CCDC7: variants seen among roughly 807,000 people sequenced by gnomAD.
The protein encoded by CCDC7 is coiled-coil domain-containing protein 7.
In CCDC7, 183 loss-of-function variants were observed where a neutral mutation model predicts 196.9. The ratio of observed to expected loss-of-function variants is 0.93; its 90% CI spans 0.82 to 1.05. The LOEUF is 1.05. CCDC7 is among the 50% of genes least tolerant of loss of function. The pLI is 0.00. For synonymous variants in CCDC7, 525 were observed against 484.6 expected (o/e 1.08, Z -1.10); for missense variants, 1,540 against 1,482.2 (o/e 1.04, Z -0.64).
downstream of CCDC7, among the ~76,000 whole-genome samples, chr10:32,880,013 C>A (rs958992126): frequency 6.6e-6 from 1 of 152,038 alleles, no homozygotes; most frequent in Non-Finnish European, 1.5e-5. Flanking sequence ...AATGAACATA[C>A]ATTTGCATAT....
chr10:32,702,700 G>GCTC (rs2078964809), intron 24 of CCDC7, among the ~76,000 whole-genome samples: 1 of 152,120 alleles, frequency 6.6e-6, no homozygotes, highest in East Asian at 1.9e-4. Flanking sequence ...GAATCTGGGT[G>GCTC]CTCCTGTATT....
At chr10:32,855,407 A>G (rs776214285) in intron 41 of CCDC7, among the ~76,000 whole-genome samples, 4 of 152,184 alleles carry the variant, frequency 2.6e-5, no homozygotes, top group Non-Finnish European at 4.4e-5. Context: ...TAATTATACA[A>G]TTCACCATAA....
rs115958475 is a variant in CCDC7 at position 32,541,083 on chromosome 10, G to T, written c.994-2217G>T. Among the ~76,000 whole-genome samples, 1,264 of 143,994 alleles carry T rather than the reference G, an allele frequency of 8.8e-3. 28 individuals are homozygous for T. Among genetic ancestry groups the T allele is most frequent in the African/African-American group, 0.03 (1,161 of 38,930 alleles). The allele number at this position is 143,994 out of a possible 152,430, so 94.5% of individuals were successfully genotyped here. On this transcript the variant is annotated intron_variant, in intron 11 of 41. Transcript: ENST00000639629. ...TTTTCATTCTTTTTTCTTTGTTTTT[G>T]TCTGATTGATTTATTTTAGAGAGCC... is the stretch of plus-strand genomic sequence containing the variant.
intron 33 of CCDC7, among the ~76,000 whole-genome samples, chr10:32,839,437 G>A (rs2092830701): frequency 6.6e-6 from 1 of 151,820 alleles, no homozygotes; most frequent in Non-Finnish European, 1.5e-5. Context: ...ATGATAAAAG[G>A]GCTAGTCCAG....
chr10:32,524,329 C>T (rs971786414), intron 11 of CCDC7, among the ~76,000 whole-genome samples: 2 of 152,058 alleles, frequency 1.3e-5, no homozygotes, highest in Non-Finnish European at 2.9e-5. Flanking sequence ...TCTTTTTGTA[C>T]TGTGTCTTGA....
intron 29 of CCDC7, among the ~76,000 whole-genome samples, chr10:32,797,988 A>G (rs1449552881): frequency 6.6e-6 from 1 of 152,212 alleles, no homozygotes; most frequent in Admixed American, 6.5e-5. Context: ...CATGAGCATG[A>G]GTCTACTGCT....
In CCDC7 at chr10:32,790,461, G is replaced by A. The variant is rs184196093; in HGVS notation, c.3013+11377G>A. ...TGGGGCCATTGGCACCACAGCTGGA[G>A]CAGCCAAGGAGCACCTTGCCATTCC... On this transcript the variant is annotated intron_variant, in intron 29 of 41. Coordinates refer to ENST00000639629, the Ensembl canonical transcript of CCDC7. Among the ~76,000 whole-genome samples, 133 of 152,334 alleles carry A rather than the reference G, an allele frequency of 8.7e-4. 1 individual carries two copies. The highest frequency in any genetic ancestry group is 3.2e-3 in the African/African-American group (133 of 41,574).
rs142739876 is a variant in CCDC7, at chr10:32,479,119, A to T, written c.796+5096A>T. ...TATAGTATTTGTTTATTGTCCCTTT[A>T]TGTCCATGTGGTCGGTAGGGATGGT... On this transcript the variant is annotated intron_variant, in intron 8 of 41. Transcript: ENST00000639629. 1.2e-4 allele frequency among the ~76,000 whole-genome samples: 18 copies of T among 152,202 alleles called. No individual in the cohort carries two copies. The East Asian group carries it at 3.5e-3, about 29-fold the overall frequency.
intron 11 of CCDC7, among the ~76,000 whole-genome samples, chr10:32,533,162 A>G (rs1310227562): frequency 1.3e-5 from 2 of 151,858 alleles, no homozygotes; most frequent in Non-Finnish European, 2.9e-5. Context: ...TAGGCTTACA[A>G]AGAACATTGT....
At chr10:32,698,737 C>T (rs1046549635) in intron 24 of CCDC7, among the ~76,000 whole-genome samples, 10 of 152,140 alleles carry the variant, frequency 6.6e-5, no homozygotes, top group African/African-American at 2.2e-4. Flanking sequence ...ATTGGTGTAC[C>T]TGAAAGTGAC....
At chr10:32,863,634 G>A (rs1040093212) in intron 41 of CCDC7, among the ~76,000 whole-genome samples, 1 of 151,820 alleles carries the variant, frequency 6.6e-6, no homozygotes, top group Non-Finnish European at 1.5e-5. Flanking sequence ...CAGGACTCCA[G>A]GTGTATGCAA....
chr10:32,679,408 T>G (rs2075522585), intron 21 of CCDC7, among the ~76,000 whole-genome samples: 1 of 152,180 alleles, frequency 6.6e-6, no homozygotes, highest in Non-Finnish European at 1.5e-5. Context: ...GGTTGCTTGT[T>G]GGAGGACCTC....
intron 9 of CCDC7, chr10:32,513,638 A>C (rs1273813447): frequency 6.6e-6 from 1 of 152,198 alleles, no homozygotes; most frequent in Non-Finnish European, 1.5e-5. Context: ...AGCATATAAA[A>C]AAGATTATCT....
chr10:32,497,829 A>G (rs1273642497), intron 9 of CCDC7, among the ~76,000 whole-genome samples: 1 of 152,114 alleles, frequency 6.6e-6, no homozygotes, highest in Non-Finnish European at 1.5e-5. Context: ...GGTCAATTTT[A>G]GAATAAGTGC....
chr10:32,534,716 TG>T (rs2135960171), intron 11 of CCDC7, among the ~76,000 whole-genome samples: 1 of 152,208 alleles, frequency 6.6e-6, no homozygotes, highest in Admixed American at 6.5e-5. Context: ...GCCAGGGATT[TG>T]GGCCAAAGGA....
chr10:32,689,676 A>G (rs2076853350), intron 23 of CCDC7, among the ~76,000 whole-genome samples: 1 of 152,154 alleles, frequency 6.6e-6, no homozygotes, highest in Admixed American at 6.5e-5. Flanking sequence ...GAATGTCATC[A>G]AGGATCCCAC....
At chr10:32,628,962 G>A (rs1234420275) in intron 18 of CCDC7, among the ~76,000 whole-genome samples, 3 of 152,110 alleles carry the variant, frequency 2.0e-5, no homozygotes, top group Admixed American at 6.6e-5. Context: ...TGAGAAGAAT[G>A]TGCATTCTAG....
intron 24 of CCDC7, among the ~76,000 whole-genome samples, chr10:32,698,925 A>C (rs1202876555): frequency 2.0e-5 from 3 of 152,198 alleles, no homozygotes; most frequent in Non-Finnish European, 4.4e-5. Context: ...GGTTGAAATG[A>C]AGGGAAAAAT....
chr10:32,671,276 T>A (rs572240094), intron 21 of CCDC7, among the ~76,000 whole-genome samples: 1 of 152,296 alleles, frequency 6.6e-6, no homozygotes, highest in Non-Finnish European at 1.5e-5. Context: ...TATACCATAT[T>A]TGTGCTATGT....
Sources: gnomAD v4.1 joint callset for allele counts (sites outside exome capture counted in the v4.1 genomes callset) on GRCh38, gnomAD v4.1.1 for gene constraint, MANE v1.5 for transcripts, NCBI Gene and HGNC (gene_info 2026-07-23, HGNC 2026-07-21) for gene names.